DTNBP1: variants seen among roughly 807,000 people sequenced by gnomAD.
The protein encoded by DTNBP1 is dysbindin.
A neutral mutation model predicts 42.8 loss-of-function variants in DTNBP1; 35 were observed. That is an observed-to-expected ratio of 0.82 (90% CI 0.63 to 1.09). The LOEUF is 1.09. Ranked by LOEUF, DTNBP1 falls within the 50% of genes least tolerant of loss-of-function variation. The pLI is 0.00. For missense variants in DTNBP1, 457 were observed against 424.2 expected, an observed-to-expected ratio of 1.08 and a Z score of -0.68; for synonymous variants, 171 against 162.2, an observed-to-expected ratio of 1.05 and a Z score of -0.41.
In DTNBP1 at chr6:15,574,182, G is replaced by A. The variant is rs755275768; in HGVS notation, c.511+18877C>T. On this transcript the variant is annotated intron_variant, in intron 7 of 9. Coordinates refer to ENST00000344537, the MANE Select transcript of DTNBP1 (RefSeq NM_032122.5). ...AGAGTTACAAGGAGAAAATGCAGAG[G>A]CTCCATAAATGGATGGTTTCCACAA... Among the ~76,000 whole-genome samples the A allele has an allele frequency of 7.2e-5, 11 of 152,324 alleles. No homozygotes were observed. The Middle Eastern group carries it at 0.01, about 141-fold the overall frequency.
At chr6:15,614,786 A>C (rs1450597844) in intron 6 of DTNBP1, among the ~76,000 whole-genome samples, 2 of 152,238 alleles carry the variant, frequency 1.3e-5, no homozygotes, top group Non-Finnish European at 2.9e-5. Context: ...TCCCATCATA[A>C]ATCAGTGACA....
intron 1 of DTNBP1, among the ~76,000 whole-genome samples, chr6:15,658,734 T>G (rs1436049654): frequency 6.6e-6 from 1 of 152,234 alleles, no homozygotes; most frequent in African/African-American, 2.4e-5. Flanking sequence ...TACTTTGGTA[T>G]GTCCAAAAGT....
chr6:15,561,592 A>G (rs2113476916), intron 7 of DTNBP1, among the ~76,000 whole-genome samples: 1 of 152,334 alleles, frequency 6.6e-6, no homozygotes, highest in South Asian at 2.1e-4. Context: ...GAGAAGATGG[A>G]TCTTCCTCCC....
chr6:15,530,931 G>C (rs1036175993), intron 8 of DTNBP1, among the ~76,000 whole-genome samples: 2 of 152,202 alleles, frequency 1.3e-5, no homozygotes, highest in East Asian at 1.9e-4. Context: ...CATAAAATTT[G>C]TATGTTGAAG....
intron 7 of DTNBP1, among the ~76,000 whole-genome samples, chr6:15,566,883 GGTTTCGCC>G (rs1279123861): frequency 6.6e-6 from 1 of 151,896 alleles, no homozygotes; most frequent in Non-Finnish European, 1.5e-5. Flanking sequence ...GTACAGACGG[GGTTTCGCC>G]AGTTGGCCAG....
At chr6:15,645,308 A>G (rs4712255) in intron 3 of DTNBP1, among the ~76,000 whole-genome samples, 22,433 of 151,886 alleles carry the variant, frequency 0.15, 1,854 homozygotes, top group East Asian at 0.3. Context: ...AAAATCTACC[A>G]ACCAAAAAAA....
intron 3 of DTNBP1, among the ~76,000 whole-genome samples, chr6:15,649,233 T>G (rs894988248): frequency 6.6e-6 from 1 of 152,134 alleles, no homozygotes; most frequent in African/African-American, 2.4e-5. Flanking sequence ...CAGCAAGCAG[T>G]ATTTAGAACA....
chr6:15,540,601 G>C (rs772901786), intron 7 of DTNBP1, among the ~76,000 whole-genome samples: 2 of 152,070 alleles, frequency 1.3e-5, no homozygotes, highest in Non-Finnish European at 2.9e-5. Flanking sequence ...ATCATGTCTC[G>C]ACCTTCACAA....
rs1308234148 is a variant in DTNBP1 at position 15,524,671 on chromosome 6, T to C, written c.668-2A>G. ...TGGATGACATGCTGCCTATGGGCTC[T>C]GCGGATAGATCAACACGAGAAAGGA... On this transcript the variant is annotated splice_acceptor_variant, in intron 8 of 9. Transcript: ENST00000344537. LOFTEE classifies it high-confidence loss of function. The C allele has an allele frequency of 1.2e-6, 2 of 1,612,522 alleles. No individual in the cohort carries two copies. Among genetic ancestry groups the C allele is most frequent in the Non-Finnish European group, 1.7e-6 (2 of 1,179,988 alleles).
At chr6:15,553,216 G>A (rs1774312062) in intron 7 of DTNBP1, among the ~76,000 whole-genome samples, 1 of 152,054 alleles carries the variant, frequency 6.6e-6, no homozygotes, top group African/African-American at 2.4e-5. Context: ...AGCCTGTAGG[G>A]TGGCCATTCT....
Position 15,523,078 on chromosome 6 carries a change from A to G in DTNBP1, c.953T>C (p.Val318Ala). The part of the protein sequence containing the change: ...RDISEGGESP[V>A]VQSDEEEVQV... ...AACTTCCTCCTCATCGGACTGAACAACGGGGGACTCCCCACCCTCACTGAT... is the reference window on the plus strand; with the variant it reads ...AACTTCCTCCTCATCGGACTGAACAGCGGGGGACTCCCCACCCTCACTGAT... The change falls in exon 10 of 10, where the codon GTT (valine) becomes GCT (alanine). Residue 318 changes from valine to alanine, a missense_variant. Transcript: ENST00000344537. 2 of 1,614,206 alleles carry G rather than the reference A, an allele frequency of 1.2e-6. No individual in the cohort carries two copies. The highest frequency in any genetic ancestry group is 1.7e-6 in the Non-Finnish European group (2 of 1,180,036).
rs533721761 is a variant in DTNBP1, at chr6:15,531,112, G to A, written c.667+2128C>T. Among the ~76,000 whole-genome samples, 11 of 152,252 alleles carry A rather than the reference G, an allele frequency of 7.2e-5. No homozygotes were observed. The East Asian group carries it at 1.4e-3, about 19-fold the overall frequency. ...GTGCACACATAGGGAGAAGGGGGCC[G>A]TCTATAAGCAAGGAAGAGAGCCCTC... On this transcript the variant is annotated intron_variant, in intron 8 of 9. Coordinates refer to ENST00000344537, the MANE Select transcript of DTNBP1 (RefSeq NM_032122.5).
chr6:15,568,111 T>G (rs961762001), intron 7 of DTNBP1, among the ~76,000 whole-genome samples: 2 of 152,170 alleles, frequency 1.3e-5, no homozygotes, highest in Non-Finnish European at 1.5e-5. Context: ...GTCCATAAAA[T>G]AATTCTCTAA....
At chr6:15,628,990 C>T (rs777793853) in intron 4 of DTNBP1, among the ~76,000 whole-genome samples, 4 of 152,182 alleles carry the variant, frequency 2.6e-5, no homozygotes, top group Admixed American at 6.5e-5. Context: ...TGGGAGGCCA[C>T]ATCAAGTTTC....
chr6:15,577,950 T>G (rs2113557985), intron 7 of DTNBP1, among the ~76,000 whole-genome samples: 1 of 152,302 alleles, frequency 6.6e-6, no homozygotes, highest in Non-Finnish European at 1.5e-5. Context: ...TCAGTTTTAT[T>G]AGTCATGTGT....
chr6:15,523,577 A>AG lies in DTNBP1; in HGVS notation c.812-359_812-358insC, dbSNP rs952623317. On this transcript the variant is annotated intron_variant, in intron 9 of 9. Transcript: ENST00000344537. The stretch of plus-strand genomic sequence containing the variant: ...ATCTAGATTTCTTTTTTTTTTTTTT[A>AG]CCCTTTGCAGTAATTCAGAGACACC... 8.5e-5 allele frequency: 97 copies of AG among 1,138,352 alleles called. No homozygotes were observed. The African/African-American group carries it at 2.0e-3, about 24-fold the overall frequency. The allele number at this position is 1,138,352 out of a possible 1,614,324, so 70.5% of individuals were successfully genotyped here.
At chr6:15,613,369 T>C (rs1361080581) in intron 6 of DTNBP1, among the ~76,000 whole-genome samples, 2 of 124,526 alleles carry the variant, frequency 1.6e-5, no homozygotes, top group African/African-American at 5.9e-5. Context: ...TTTTTTTTTT[T>C]TTTTTTTTTT....
chr6:15,563,792 T>G (rs1429400407), intron 7 of DTNBP1, among the ~76,000 whole-genome samples: 1 of 152,186 alleles, frequency 6.6e-6, no homozygotes, highest in Admixed American at 6.5e-5. Flanking sequence ...GCGCAGTGGC[T>G]CACACCTACA....
intron 7 of DTNBP1, among the ~76,000 whole-genome samples, chr6:15,559,479 G>A (rs1191785259): frequency 7.2e-5 from 11 of 152,054 alleles, no homozygotes; most frequent in African/African-American, 2.7e-4. Flanking sequence ...TGCAACAACC[G>A]GTGACAACCA....
Sources: gnomAD v4.1 joint callset for allele counts (sites outside exome capture counted in the v4.1 genomes callset) on GRCh38, gnomAD v4.1.1 for gene constraint, MANE v1.5 for transcripts, NCBI Gene and HGNC (gene_info 2026-07-23, HGNC 2026-07-21) for gene names.